ATP5F1C: variants seen among roughly 807,000 people sequenced by gnomAD.
ATP5F1C encodes the protein ATP synthase F(1) complex subunit gamma, mitochondrial.
A neutral mutation model predicts 37.4 loss-of-function variants in ATP5F1C; 22 were observed. The observed-to-expected ratio is 0.59, with a 90% CI of 0.42 to 0.84. ATP5F1C has a LOEUF of 0.84. Among genes scored for constraint, ATP5F1C ranks in the 40% least tolerant of loss-of-function variants. The probability of loss-of-function intolerance (pLI) is 0.00; values close to 1 mark genes in which losing one functional copy is unlikely to be tolerated. For missense variants in ATP5F1C, 286 were observed against 362.4 expected, an observed-to-expected ratio of 0.79 and a Z score of 1.71; for synonymous variants, 121 against 128.0, an observed-to-expected ratio of 0.95 and a Z score of 0.37.
chr10:7,790,907 C>A (rs111709357), intron 1 of ATP5F1C, among the ~76,000 whole-genome samples: 1 of 152,258 alleles, frequency 6.6e-6, no homozygotes, highest in Middle Eastern at 3.4e-3. Context: ...GATAGGGATC[C>A]AAATGCTGTA....
intron 8 of ATP5F1C, among the ~76,000 whole-genome samples, chr10:7,805,486 G>A (rs1053479289): frequency 1.3e-5 from 2 of 152,126 alleles, no homozygotes; most frequent in African/African-American, 4.8e-5. Flanking sequence ...AGGGGCTGAC[G>A]CCTGTAATCT....
chr10:7,790,280 A>C (rs2131052477), intron 1 of ATP5F1C, among the ~76,000 whole-genome samples: 1 of 152,348 alleles, frequency 6.6e-6, no homozygotes, highest in South Asian at 2.1e-4. Flanking sequence ...TTTTGTTTTC[A>C]GAGAGGCTAC....
At chr10:7,803,570 G>A (rs1836412929) in intron 8 of ATP5F1C, among the ~76,000 whole-genome samples, 1 of 152,000 alleles carries the variant, frequency 6.6e-6, no homozygotes, top group African/African-American at 2.4e-5. Flanking sequence ...CATGGATACT[G>A]AGGGCCAACT....
intron 2 of ATP5F1C, 171 bp from the exon 3 acceptor site, chr10:7,796,876 G>A (rs1429750187): frequency 3.1e-5 from 21 of 681,188 alleles, no homozygotes; most frequent in Non-Finnish European, 3.6e-5. Context: ...GAGCCACCGT[G>A]CCCGGCTATT....
chr10:7,793,018 T>G (rs1836186193), intron 1 of ATP5F1C, among the ~76,000 whole-genome samples: 1 of 152,256 alleles, frequency 6.6e-6, no homozygotes, highest in East Asian at 1.9e-4. Flanking sequence ...TATCCATTCT[T>G]GCAGGTGTGT....
At chr10:7,803,885 CTA>C (rs1836423344) in intron 8 of ATP5F1C, among the ~76,000 whole-genome samples, 2 of 152,210 alleles carry the variant, frequency 1.3e-5, no homozygotes, top group Non-Finnish European at 2.9e-5. Context: ...TACCTTCTAA[CTA>C]TCTCTTGAAT....
intron 6 of ATP5F1C, among the ~76,000 whole-genome samples, chr10:7,801,071 CTT>C (rs1836357110): frequency 6.6e-6 from 1 of 152,152 alleles, no homozygotes; most frequent in Non-Finnish European, 1.5e-5. Flanking sequence ...ACTCAATTCT[CTT>C]GTTTTATTGT....
chr10:7,791,456 C>A (rs547055544), intron 1 of ATP5F1C, among the ~76,000 whole-genome samples: 32 of 152,272 alleles, frequency 2.1e-4, no homozygotes, highest in African/African-American at 7.0e-4. Flanking sequence ...ATATTGCTTG[C>A]TTTTTAAGTT....
At chr10:7,804,131 T>C (rs746249851) in intron 8 of ATP5F1C, 81 of 518,870 alleles carry the variant, frequency 1.6e-4, no homozygotes, top group Non-Finnish European at 2.7e-4. Flanking sequence ...TAAGAATGGG[T>C]TCTGCATTTT....
intron 8 of ATP5F1C, among the ~76,000 whole-genome samples, chr10:7,805,834 C>T (rs897389742): frequency 6.6e-5 from 10 of 151,838 alleles, no homozygotes; most frequent in African/African-American, 2.2e-4. Flanking sequence ...TGCTTGTAAT[C>T]CCAGCATTTT....
Position 7,788,304 on chromosome 10 carries a change from T to C in ATP5F1C, c.56+41T>C. On this transcript the variant is annotated intron_variant, in intron 1 of 9. Transcript: ENST00000356708. ...GGAAGATCGGCAGGACCGCAAGGGATGGAAGAGCTTGGGCACGGGGCAGGG... is the reference window on the plus strand; with the variant it reads ...GGAAGATCGGCAGGACCGCAAGGGACGGAAGAGCTTGGGCACGGGGCAGGG... The C allele has an allele frequency of 1.9e-6, 3 of 1,606,264 alleles. No homozygotes were observed. The South Asian group carries it at 3.3e-5, about 18-fold the overall frequency.
chr10:7,798,564 G>C (rs937420817), intron 3 of ATP5F1C, among the ~76,000 whole-genome samples: 2 of 152,092 alleles, frequency 1.3e-5, no homozygotes, highest in Admixed American at 1.3e-4. Context: ...CCGCCACCAC[G>C]CCTGGCTAAT....
intron 6 of ATP5F1C, among the ~76,000 whole-genome samples, chr10:7,800,491 A>ATTTTT (rs137972460): frequency 2.6e-5 from 3 of 113,390 alleles, no homozygotes; most frequent in Non-Finnish European, 3.8e-5. Flanking sequence ...CCAGCCTTTT[A>ATTTTT]TTTTTTTATT....
intron 8 of ATP5F1C, among the ~76,000 whole-genome samples, chr10:7,803,860 A>T (rs1384157866): frequency 6.6e-6 from 1 of 152,194 alleles, no homozygotes; most frequent in Non-Finnish European, 1.5e-5. Context: ...ATCAGTTACC[A>T]TGCTCTTTAA....
intron 1 of ATP5F1C, among the ~76,000 whole-genome samples, chr10:7,790,826 G>T (rs1836151144): frequency 6.6e-6 from 1 of 152,180 alleles, no homozygotes. Flanking sequence ...TGCAATAAAA[G>T]TGCACAATTC....
At chr10:7,807,247 A>G (rs1028723226) in intron 9 of ATP5F1C, among the ~76,000 whole-genome samples, 1 of 152,178 alleles carries the variant, frequency 6.6e-6, no homozygotes, top group Non-Finnish European at 1.5e-5. Flanking sequence ...TAGAGAATTA[A>G]CATTATTTTG....
intron 8 of ATP5F1C, 135 bp downstream of exon 8, chr10:7,802,989 T>G: frequency 1.5e-6 from 1 of 655,390 alleles, no homozygotes. Context: ...TCCTAACTCT[T>G]AGGCTATAAA....
intron 2 of ATP5F1C, 127 bp downstream of exon 2, chr10:7,796,282 A>AT (rs2131061559): frequency 1.3e-6 from 1 of 798,630 alleles, no homozygotes; most frequent in African/African-American, 1.8e-5. Flanking sequence ...ATGGATTTCC[A>AT]TTGTATGTTT....
chr10:7,791,011 A>T (rs1836154251), intron 1 of ATP5F1C, among the ~76,000 whole-genome samples: 1 of 152,182 alleles, frequency 6.6e-6, no homozygotes, highest in Non-Finnish European at 1.5e-5. Context: ...GGAAAAGAAG[A>T]TGCAGTCGGG....
Sources: gnomAD v4.1 joint callset for allele counts (sites outside exome capture counted in the v4.1 genomes callset) on GRCh38, gnomAD v4.1.1 for gene constraint, MANE v1.5 for transcripts, NCBI Gene and HGNC (gene_info 2026-07-23, HGNC 2026-07-21) for gene names.